TAF1: variants seen among roughly 807,000 people sequenced by gnomAD.
TAF1 encodes transcription initiation factor TFIID subunit 1.
A neutral mutation model predicts 138.5 loss-of-function variants in TAF1; 2 were observed. The ratio of observed to expected loss-of-function variants is 0.01; its 90% CI spans 0.01 to 0.05. The LOEUF is 0.05. Among genes scored for constraint, TAF1 ranks in the 10% least tolerant of loss-of-function variants. TAF1 has a pLI of 1.00. For synonymous variants in TAF1, 437 were observed against 503.2 expected (o/e 0.87, Z 1.76); for missense variants, 709 against 1,478.0 (o/e 0.48, Z 8.53).
intron 13 of TAF1, among the ~76,000 whole-genome samples, chrX:71,489,623 C>G (rs930017126): frequency 1.9e-5 from 2 of 107,989 alleles, no homozygotes; most frequent in Admixed American, 2.0e-4. Context: ...TTGCGGTGAG[C>G]TGAGATCACA....
intron 9 of TAF1, 118 bp downstream of exon 9, chrX:71,382,037 G>A (rs1008559702): frequency 1.9e-5 from 16 of 849,775 alleles, no homozygotes; most frequent in Admixed American, 1.9e-4. Context: ...TGTAGGTAGC[G>A]GCTTGAGAGA....
At chrX:71,377,266 T>C in intron 5 of TAF1, 75 bp downstream of exon 5, 6 of 1,177,143 alleles carry the variant, frequency 5.1e-6, no homozygotes, top group Non-Finnish European at 6.8e-6. Flanking sequence ...GTTAAGATGC[T>C]GAGTATGGAA....
intron 13 of TAF1, among the ~76,000 whole-genome samples, chrX:71,494,402 AAC>A (rs2039356900): frequency 1.8e-5 from 2 of 111,265 alleles, no homozygotes; most frequent in African/African-American, 6.6e-5. Context: ...CAGCCTGGGC[AAC>A]AGAGTGAGAC....
At chrX:71,512,826 A>C (rs1490878552) in intron 13 of TAF1, among the ~76,000 whole-genome samples, 1 of 112,041 alleles carries the variant, frequency 8.9e-6, no homozygotes, top group Non-Finnish European at 1.9e-5. Context: ...TCAAAAAAAA[A>C]AGTACATAGT....
rs4040068 is a variant in TAF1, at chrX:71,508,086, C to CTCTATA, written c.1367-20455_1367-20454insCTATAT. ...GAATATTCTCTCTCTCTCTCTCTCT[C>CTCTATA]TATATATATATATATATATATATAT... On this transcript the variant is annotated intron_variant and NMD_transcript_variant, in intron 13 of 14. Transcript: ENST00000373775. Among the ~76,000 whole-genome samples the CTCTATA allele has an allele frequency of 8.7e-3, 799 of 92,138 alleles. 6 individuals carry two copies. The highest frequency in any genetic ancestry group is 0.013 in the Non-Finnish European group (619 of 47,671). 80.0% of individuals were successfully genotyped at this position (92,138 alleles called of 115,157 possible).
rs1036723864 is a variant in TAF1, at chrX:71,393,159, G to A, written c.3052-142G>A. The A allele has an allele frequency of 9.5e-6, 10 of 1,055,106 alleles. No individual in the cohort carries two copies. In the African/African-American group the frequency reaches 1.9e-4, roughly 20 times the overall value. 87.0% of individuals were successfully genotyped at this position (1,055,106 alleles called of 1,213,427 possible). ...GTTATCTTTCTATGTAATCTGCTTT[G>A]GGGTGATTTTTCTTTTTTGGTCTAA... On this transcript the variant is annotated intron_variant, in intron 20 of 37. Transcript: ENST00000423759.
chrX:71,467,297 C>T (rs772981706), downstream of TAF1, among the ~76,000 whole-genome samples: 18 of 109,449 alleles, frequency 1.6e-4, no homozygotes, highest in Admixed American at 1.2e-3. Flanking sequence ...GATGACTCAA[C>T]GAGCATGCTG....
chrX:71,419,538 A>T (rs1311710706), intron 28 of TAF1, among the ~76,000 whole-genome samples: 1 of 101,388 alleles, frequency 9.9e-6, no homozygotes, highest in Non-Finnish European at 2.1e-5. Context: ...ACAGAAAAAG[A>T]AACACAAAAG....
At chrX:71,436,826 TAAACTC>T (rs1197317340) in intron 32 of TAF1, among the ~76,000 whole-genome samples, 1 of 112,039 alleles carries the variant, frequency 8.9e-6, no homozygotes, top group Non-Finnish European at 1.9e-5. Flanking sequence ...TTATCCTAAA[TAAACTC>T]TAAGGTCATT....
At chrX:71,386,132 G>GC (rs2034207206) in intron 14 of TAF1, among the ~76,000 whole-genome samples, 1 of 106,493 alleles carries the variant, frequency 9.4e-6, no homozygotes, top group Admixed American at 1.0e-4. Context: ...TTGCACTCCA[G>GC]CCTGGGCAAC....
chrX:71,446,021 G>A (rs2037680726), intron 32 of TAF1, among the ~76,000 whole-genome samples: 1 of 105,519 alleles, frequency 9.5e-6, no homozygotes, highest in Admixed American at 1.0e-4. Flanking sequence ...AGCAATTCTT[G>A]TGCCTCAGCC....
intron 32 of TAF1, among the ~76,000 whole-genome samples, chrX:71,443,870 G>A (rs973640528): frequency 3.6e-5 from 4 of 111,333 alleles, no homozygotes; most frequent in Admixed American, 9.6e-5. Flanking sequence ...CCCAATGCCC[G>A]GCTAATTTTT....
At chrX:71,412,656 C>T (rs1386977906) in intron 28 of TAF1, among the ~76,000 whole-genome samples, 5 of 111,980 alleles carry the variant, frequency 4.5e-5, no homozygotes, top group Admixed American at 1.9e-4. Flanking sequence ...GGCACGATCT[C>T]CGCTCACTGC....
intron 28 of TAF1, among the ~76,000 whole-genome samples, chrX:71,408,974 A>G (rs777653984): frequency 9.4e-6 from 1 of 106,789 alleles, no homozygotes; most frequent in South Asian, 4.3e-4. Flanking sequence ...AGATCGTGCC[A>G]CTGCACTCCA....
At chrX:71,380,377 A>G (rs1443926083) in intron 8 of TAF1, among the ~76,000 whole-genome samples, 1 of 111,310 alleles carries the variant, frequency 9.0e-6, no homozygotes, top group African/African-American at 3.3e-5. Flanking sequence ...TGTGTCATTT[A>G]GAGTTCTTTA....
intron 3 of TAF1, among the ~76,000 whole-genome samples, chrX:71,374,619 G>A (rs2148199908): frequency 9.2e-6 from 1 of 109,143 alleles, no homozygotes; most frequent in East Asian, 3.1e-4. Context: ...GCTAATTTTT[G>A]TATTTTTTGT....
At chrX:71,504,741 C>CAAAAAAAAAAAAAAA (rs41370846) in intron 13 of TAF1, among the ~76,000 whole-genome samples, 4 of 5,704 alleles carry the variant, frequency 7.0e-4, no homozygotes, top group African/African-American at 1.1e-3. Flanking sequence ...GACCCTGTCT[C>CAAAAAAAAAAAAAAA]AAAAAAAAAA....
intron 28 of TAF1, among the ~76,000 whole-genome samples, chrX:71,419,502 G>A (rs971740895): frequency 9.1e-6 from 1 of 110,398 alleles, no homozygotes; most frequent in African/African-American, 3.3e-5. Context: ...TCCGGCTACA[G>A]AAACCTGCAA....
intron 18 of TAF1, among the ~76,000 whole-genome samples, chrX:71,391,459 G>A (rs1453194017): frequency 1.8e-5 from 2 of 110,002 alleles, no homozygotes; most frequent in Non-Finnish European, 3.8e-5. Context: ...CAAGGTGGGA[G>A]GGTTACTTGA....
Sources: gnomAD v4.1 joint callset for allele counts (sites outside exome capture counted in the v4.1 genomes callset) on GRCh38, gnomAD v4.1.1 for gene constraint, MANE v1.5 for transcripts, NCBI Gene and HGNC (gene_info 2026-07-23, HGNC 2026-07-21) for gene names.